TRDN: variants seen among roughly 807,000 people sequenced by gnomAD.
TRDN encodes the protein triadin in skeletal muscle.
A neutral mutation model predicts 149.7 loss-of-function variants in TRDN; 161 were observed. The observed-to-expected ratio is 1.08, with a 90% confidence interval of 0.95 to 1.23. The LOEUF is 1.23. TRDN is among the 50% of genes most tolerant of loss of function. The pLI is 0.00. For missense variants in TRDN, 896 were observed against 823.5 expected (o/e 1.09, Z -1.08); for synonymous variants, 294 against 250.5 (o/e 1.17, Z -1.64).
intron 12 of TRDN, chr6:123,411,649 C>T (rs1483183846): frequency 6.6e-6 from 1 of 152,364 alleles, no homozygotes; most frequent in Non-Finnish European, 1.5e-5. Flanking sequence ...ATACCCAATA[C>T]TTAATCTGTA....
At chr6:123,438,795 A>G in intron 11 of TRDN, 149 bp downstream of exon 11, 2 of 506,640 alleles carry the variant, frequency 3.9e-6, no homozygotes, top group Non-Finnish European at 6.5e-6. Context: ...TTTTATTTGG[A>G]ATATCTAGAC....
At chr6:123,485,983 G>C (rs1031572225) in intron 9 of TRDN, among the ~76,000 whole-genome samples, 1 of 151,966 alleles carries the variant, frequency 6.6e-6, no homozygotes, top group Non-Finnish European at 1.5e-5. Context: ...AGGTAACTGA[G>C]GAACCCAAGG....
intron 5 of TRDN, among the ~76,000 whole-genome samples, chr6:123,517,268 G>T (rs574851623): frequency 3.6e-4 from 55 of 152,260 alleles, no homozygotes; most frequent in Middle Eastern, 3.4e-3. Context: ...CCTAGTAAGA[G>T]ATTAGGAGGG....
At position 123,369,536 on chromosome 6, in the gene TRDN, TG is replaced by T. The variant is rs1225651505; in HGVS notation, c.1274-3355del. Among the ~76,000 whole-genome samples the T allele has an allele frequency of 1.6e-4, 24 of 152,282 alleles. No individual in the cohort carries two copies. The East Asian group carries it at 3.3e-3, about 21-fold the overall frequency. On this transcript the variant is annotated intron_variant, in intron 19 of 40. Transcript: ENST00000334268. ...TCACATTTATGAGATCACTTAGCAC[TG>T]GCCAGTAATATTACCACAGACCCAA...
chr6:123,402,239 G>T (rs879289491), intron 12 of TRDN, among the ~76,000 whole-genome samples: 9 of 152,112 alleles, frequency 5.9e-5, no homozygotes, highest in Non-Finnish European at 8.8e-5. Flanking sequence ...TTTTGTAACA[G>T]AAAACAGTCT....
In TRDN at chr6:123,570,466, G is replaced by A. The variant is rs73770174; in HGVS notation, c.232+457C>T. Among the ~76,000 whole-genome samples, 432 of 152,270 alleles carry A rather than the reference G, an allele frequency of 2.8e-3. 1 individual carries two copies. The highest frequency in any genetic ancestry group is 0.01 in the African/African-American group (425 of 41,562). On this transcript the variant is annotated intron_variant, in intron 2 of 40. Transcript: ENST00000334268. ...GTGGCAGAAGCAAAGAGTTTGTCTG[G>A]CAAGGACACTTAGGACCAGATGACA...
intron 9 of TRDN, among the ~76,000 whole-genome samples, chr6:123,494,885 C>A (rs1254799720): frequency 2.6e-5 from 4 of 152,082 alleles, no homozygotes; most frequent in Middle Eastern, 3.4e-3. Flanking sequence ...AGGCACCCAC[C>A]ACCAAACCTG....
chr6:123,606,270 ATGATT>A (rs1234863917), intron 1 of TRDN, among the ~76,000 whole-genome samples: 1 of 152,090 alleles, frequency 6.6e-6, no homozygotes, highest in Non-Finnish European at 1.5e-5. Context: ...AAATATTTTA[ATGATT>A]TAATCCATAC....
intron 26 of TRDN, among the ~76,000 whole-genome samples, chr6:123,276,757 C>G (rs186078768): frequency 6.6e-6 from 1 of 152,232 alleles, no homozygotes; most frequent in East Asian, 1.9e-4. Context: ...TGACACTAGT[C>G]AGGTTTTCGA....
At chr6:123,339,075 C>A (rs185394324) in intron 21 of TRDN, among the ~76,000 whole-genome samples, 11 of 151,814 alleles carry the variant, frequency 7.2e-5, no homozygotes, top group African/African-American at 2.7e-4. Flanking sequence ...TGCAGTGGCG[C>A]GATCTTGGCT....
intron 19 of TRDN, among the ~76,000 whole-genome samples, chr6:123,368,108 G>A (rs1431291): frequency 0.92 from 139,571 of 152,254 alleles, 64,014 homozygotes; most frequent in East Asian, 0.99. Context: ...ATCCCCTCCT[G>A]ATGGTAGTCT....
chr6:123,495,188 G>T (rs1350705029), intron 9 of TRDN, among the ~76,000 whole-genome samples: 1 of 151,896 alleles, frequency 6.6e-6, no homozygotes. Context: ...CAAGTAGCTG[G>T]GACAATGGGT....
chr6:123,437,925 T>G (rs992590448), intron 12 of TRDN, 138 bp downstream of exon 12: 1 of 686,930 alleles, frequency 1.5e-6, no homozygotes. Flanking sequence ...CTTTGTCTAG[T>G]GCAAGTTTTG....
intron 5 of TRDN, among the ~76,000 whole-genome samples, chr6:123,525,011 A>T (rs1450763847): frequency 6.6e-6 from 1 of 152,148 alleles, no homozygotes; most frequent in Non-Finnish European, 1.5e-5. Flanking sequence ...TTGAGATATC[A>T]TCTTACATCA....
At chr6:123,372,181 A>AG (rs1781350562) in intron 19 of TRDN, among the ~76,000 whole-genome samples, 1 of 152,092 alleles carries the variant, frequency 6.6e-6, no homozygotes, top group African/African-American at 2.4e-5. Flanking sequence ...CAAAAAAAAA[A>AG]CCATGCAATT....
chr6:123,626,318 C>G (rs910780491), intron 1 of TRDN, among the ~76,000 whole-genome samples: 5 of 152,058 alleles, frequency 3.3e-5, no homozygotes, highest in Admixed American at 6.6e-5. Flanking sequence ...CCCGTCTCTA[C>G]AAAAACATAC....
intron 1 of TRDN, among the ~76,000 whole-genome samples, chr6:123,590,941 A>C (rs2114617731): frequency 6.6e-6 from 1 of 152,288 alleles, no homozygotes; most frequent in East Asian, 1.9e-4. Flanking sequence ...ATAATCAGTA[A>C]ACAGGGAAAG....
In TRDN at chr6:123,438,819, T is replaced by C. The variant is rs1216262295; in HGVS notation, c.991+125A>G. On this transcript the variant is annotated intron_variant, in intron 11 of 40. Transcript: ENST00000334268. ...GAATATCTAGACATGTTAAGAGTGT[T>C]CACTAATAACAATGACAATGCATTT... is the stretch of plus-strand genomic sequence containing the variant. 3 of 687,688 alleles carry C rather than the reference T, an allele frequency of 4.4e-6. No homozygotes were observed. The East Asian group carries it at 8.9e-5, about 20-fold the overall frequency. 42.6% of individuals were successfully genotyped at this position (687,688 alleles called of 1,614,324 possible). A position where few individuals can be genotyped will look rare whatever the true frequency, so the allele number is the denominator to read the frequency against.
chr6:123,635,188 C>T (rs1238596278), intron 1 of TRDN, among the ~76,000 whole-genome samples: 2 of 151,918 alleles, frequency 1.3e-5, no homozygotes, highest in African/African-American at 2.4e-5. Context: ...TTATACATAG[C>T]TTTCTTTAAG....
Sources: gnomAD v4.1 joint callset for allele counts (sites outside exome capture counted in the v4.1 genomes callset) on GRCh38, gnomAD v4.1.1 for gene constraint, MANE v1.5 for transcripts, NCBI Gene and HGNC (gene_info 2026-07-23, HGNC 2026-07-21) for gene names.